BABAM2: variants seen among roughly 807,000 people sequenced by gnomAD.
BABAM2 encodes the protein BRISC and BRCA1 A complex member 2, also known as BRISC and BRCA1-A complex member 2.
BABAM2 carries 31 observed loss-of-function variants against 54.7 expected under a neutral mutation model. That is an observed-to-expected ratio of 0.57 (90% CI 0.43 to 0.77). The LOEUF (loss-of-function observed/expected upper bound fraction) is 0.77. Ranked by LOEUF, BABAM2 falls within the 30% of genes least tolerant of loss-of-function variation. BABAM2 has a pLI of 0.00. For synonymous variants in BABAM2, 167 were observed against 162.9 expected, an observed-to-expected ratio of 1.03 and a Z score of -0.19; for missense variants, 364 against 455.8, an observed-to-expected ratio of 0.80 and a Z score of 1.83.
At chr2:28,227,364 G>A (rs111436029) in intron 7 of BABAM2, among the ~76,000 whole-genome samples, 21 of 152,182 alleles carry the variant, frequency 1.4e-4, no homozygotes, top group African/African-American at 4.8e-4. Context: ...TGCTCGGTGT[G>A]GTGCAGGACG....
chr2:28,211,456 C>T (rs10190360), intron 7 of BABAM2, among the ~76,000 whole-genome samples: 105,954 of 145,950 alleles, frequency 0.73, 40,262 homozygotes, highest in East Asian at 0.99. Flanking sequence ...GGCGTGATCT[C>T]GGCGCACTGC....
chr2:28,333,110 A>C (rs963791366), intron 11 of BABAM2, among the ~76,000 whole-genome samples: 1 of 152,040 alleles, frequency 6.6e-6, no homozygotes, highest in Non-Finnish European at 1.5e-5. Flanking sequence ...CCATGATAAT[A>C]GTTGACATCT....
Position 27,970,804 on chromosome 2 carries a change from A to G in BABAM2, c.206-17189A>G, listed in dbSNP as rs1573295031. On this transcript the variant is annotated intron_variant, in intron 3 of 11. Transcript: ENST00000379624. The stretch of plus-strand genomic sequence containing the variant: ...TGTTTTAAATTTTTTTCTTTAATCT[A>G]GAACAATTCTCTTACCCTTTTCTTT... Among the ~76,000 whole-genome samples the G allele has an allele frequency of 2.6e-5, 4 of 152,218 alleles. No individual in the cohort carries two copies. The South Asian group carries it at 8.3e-4, about 32-fold the overall frequency.
chr2:28,250,934 C>G (rs899621750), intron 10 of BABAM2, among the ~76,000 whole-genome samples: 1 of 152,160 alleles, frequency 6.6e-6, no homozygotes, highest in African/African-American at 2.4e-5. Flanking sequence ...AAAAAGTTAT[C>G]TTTGGATTTT....
At chr2:28,072,321 C>T (rs1234811671) in intron 6 of BABAM2, among the ~76,000 whole-genome samples, 1 of 151,972 alleles carries the variant, frequency 6.6e-6, no homozygotes, top group Non-Finnish European at 1.5e-5. Context: ...TATAGGCACA[C>T]ACCACCACGC....
chr2:28,049,816 A>G (rs988681504), intron 6 of BABAM2, among the ~76,000 whole-genome samples: 1 of 152,194 alleles, frequency 6.6e-6, no homozygotes, highest in Non-Finnish European at 1.5e-5. Context: ...ATATGTAACT[A>G]TGCAATGGTC....
At chr2:28,258,707 G>C (rs2879031) in intron 10 of BABAM2, among the ~76,000 whole-genome samples, 25,634 of 142,074 alleles carry the variant, frequency 0.18, 2,302 homozygotes, top group African/African-American at 0.2. Context: ...CTACCTCCCA[G>C]GCTCAAGTGT....
At chr2:27,925,785 T>C (rs1667653765) in intron 2 of BABAM2, among the ~76,000 whole-genome samples, 1 of 152,176 alleles carries the variant, frequency 6.6e-6, no homozygotes, top group African/African-American at 2.4e-5. Flanking sequence ...CCCTGTTCGT[T>C]CCTTTCCAGC....
chr2:28,101,221 A>G (rs1224340357), intron 6 of BABAM2, among the ~76,000 whole-genome samples: 3 of 152,188 alleles, frequency 2.0e-5, no homozygotes, highest in Non-Finnish European at 4.4e-5. Flanking sequence ...TAGTCTGTCT[A>G]ACTCCAAAGT....
chr2:28,162,735 A>G (rs1033917966), intron 7 of BABAM2, among the ~76,000 whole-genome samples: 3 of 152,244 alleles, frequency 2.0e-5, no homozygotes, highest in African/African-American at 7.2e-5. Flanking sequence ...TGACATTTTG[A>G]TAGCTGTCAC....
intron 7 of BABAM2, among the ~76,000 whole-genome samples, chr2:28,209,925 A>G (rs184513846): frequency 6.6e-4 from 101 of 152,268 alleles, no homozygotes; most frequent in African/African-American, 2.3e-3. Flanking sequence ...ATAGAGAGAA[A>G]TCTAAAAGAA....
chr2:28,066,795 C>T (rs1307687741), intron 6 of BABAM2, among the ~76,000 whole-genome samples: 1 of 152,250 alleles, frequency 6.6e-6, no homozygotes, highest in South Asian at 2.1e-4. Context: ...CCTTTTTTGA[C>T]CTAGTGTGAA....
intron 10 of BABAM2, among the ~76,000 whole-genome samples, chr2:28,254,728 AT>A (rs759661036): frequency 0.035 from 4,306 of 122,334 alleles, 37 homozygotes; most frequent in Middle Eastern, 0.084. Flanking sequence ...TTTTTTTTCA[AT>A]TTTTTTTTTT....
intron 2 of BABAM2, among the ~76,000 whole-genome samples, chr2:27,898,036 A>G (rs976216189): frequency 2.0e-5 from 3 of 152,206 alleles, no homozygotes; most frequent in African/African-American, 4.8e-5. Context: ...TCTTTAAATC[A>G]GTATATTTTT....
rs777093700 is a variant in BABAM2, at chr2:28,025,237, C to T, written c.312C>T (p.Ser104=). ...TACGACTTCTACAGAATCTTGCCTC[C>T]TGGAATCCTTCAAATCCTGAATGTC... The part of the protein sequence containing the change: ...PDPSALQNLA[S]WNPSNPECLL... Residue 104 remains serine, a synonymous_variant, in exon 5 of 12, where the codon TCC becomes TCT. Transcript: ENST00000379624. 3 of 1,589,650 alleles carry T rather than the reference C, an allele frequency of 1.9e-6. No homozygotes were observed. Among genetic ancestry groups the T allele is most frequent in the African/African-American group, 2.7e-5 (2 of 73,234 alleles).
In BABAM2 at chr2:28,025,309, A is replaced by C. The variant is rs182586969; in HGVS notation, c.384A>C (p.Gln128His). Reference sequence around the variant, plus strand: ...TTGTGCAACAATATCACCAATTCCAATGTAGCCGCCTCCGGGAGAGCTCCC... The same window carrying C: ...TTGTGCAACAATATCACCAATTCCACTGTAGCCGCCTCCGGGAGAGCTCCC... ...KELVQQYHQF[Q>H]CSRLRESSRL... The change falls in exon 5 of 12, where the codon CAA becomes CAC. Residue 128 changes from glutamine (Q) to histidine (H), a missense_variant. Physicochemically the swap from Gln to His is conservative, Grantham distance 24. Coordinates refer to ENST00000379624, the MANE Select transcript of BABAM2 (RefSeq NM_199191.3). 1.9e-6 allele frequency: 3 copies of C among 1,612,680 alleles called. No individual in the cohort carries two copies. Among genetic ancestry groups the C allele is most frequent in the Non-Finnish European group, 1.7e-6 (2 of 1,179,608 alleles).
chr2:28,231,785 C>CT (rs549515372), intron 7 of BABAM2, among the ~76,000 whole-genome samples: 2 of 57,654 alleles, frequency 3.5e-5, no homozygotes, highest in Non-Finnish European at 3.2e-5. Flanking sequence ...AGAGAGATGT[C>CT]TTTTTTTTTT....
intron 4 of BABAM2, chr2:28,016,456 G>C (rs1198427362): frequency 2.0e-5 from 27 of 1,324,236 alleles, no homozygotes; most frequent in Non-Finnish European, 2.9e-5. Flanking sequence ...GGTTCATATA[G>C]GCTACCCATT....
intron 7 of BABAM2, among the ~76,000 whole-genome samples, chr2:28,184,613 A>G (rs1676078320): frequency 6.6e-6 from 1 of 151,984 alleles, no homozygotes; most frequent in African/African-American, 2.4e-5. Context: ...TTTGCTGAGA[A>G]TGATGGTTTC....
Sources: allele counts gnomAD v4.1 joint callset (sites outside exome capture counted in the v4.1 genomes callset), GRCh38; gene constraint gnomAD v4.1.1; transcripts MANE v1.5; gene names NCBI Gene and HGNC (gene_info 2026-07-23, HGNC 2026-07-21).